Variants in GOLGA3 observed in about 807,000 individuals in gnomAD.
GOLGA3 encodes the protein golgin subfamily A member 3.
Under a neutral mutation model 169.4 loss-of-function variants are expected in GOLGA3, and 75 were observed. The ratio of observed to expected loss-of-function variants is 0.44; its 90% CI spans 0.37 to 0.54. GOLGA3 has a LOEUF of 0.54. GOLGA3 is among the 20% of genes least tolerant of loss of function. The pLI is 0.00. For synonymous variants in GOLGA3, 824 were observed against 822.4 expected, an observed-to-expected ratio of 1.00 and a Z score of -0.03; for missense variants, 1,899 against 1,930.0, an observed-to-expected ratio of 0.98 and a Z score of 0.30.
intron 7 of GOLGA3, among the ~76,000 whole-genome samples, chr12:132,803,846 T>C (rs1949250911): frequency 6.6e-6 from 1 of 152,136 alleles, no homozygotes; most frequent in African/African-American, 2.4e-5. Flanking sequence ...ACCTGAGAGA[T>C]GAGCCCACCA....
rs750000182 is a variant in GOLGA3, at chr12:132,808,135, C to T, written c.934G>A (p.Gly312Arg). The part of the protein sequence containing the change: ...LAGDSVSEVD[G>R]NDSDSSSYSS... ...TACGATGAGCTGTCGCTGTCATTTC[C>T]ATCCACCTCAGACACGCTGTCTCCA... is the stretch of plus-strand genomic sequence containing the variant. The change falls in exon 5 of 24, where the codon GGA becomes AGA. Residue 312 changes from glycine to arginine, a missense_variant. Coordinates refer to ENST00000450791, the MANE Select transcript of GOLGA3 (RefSeq NM_001389683.1). 8.1e-6 allele frequency: 13 copies of T among 1,609,018 alleles called. No homozygotes were observed. In the South Asian group the frequency reaches 1.1e-4, roughly 14 times the overall value.
At chr12:132,810,373 C>T (rs893345408) in intron 4 of GOLGA3, among the ~76,000 whole-genome samples, 27 of 151,896 alleles carry the variant, frequency 1.8e-4, no homozygotes, top group African/African-American at 5.8e-4. Flanking sequence ...ACCCAGGTGC[C>T]GAGGCAAGAG....
At position 132,808,044 on chromosome 12, in the gene GOLGA3, G is replaced by T. The variant is rs768678966; in HGVS notation, c.1025C>A (p.Pro342His). ...AATCTCCTGGCCGTTGACCATATAG[G>T]GGGTGTCCTGCGTGCCCACTGTCTT... ...LSKTVGTQDT[P>H]YMVNGQEIPA... The change falls in exon 5 of 24, where the codon CCC (proline) becomes CAC (histidine). Residue 342 changes from proline to histidine, a missense_variant. Pro to His is a moderately conservative substitution (Grantham distance 77). Transcript: ENST00000450791. 16 of 1,604,546 alleles carry T rather than the reference G, an allele frequency of 1.0e-5. No individual in the cohort carries two copies. The highest frequency in any genetic ancestry group is 1.1e-5 in the Non-Finnish European group (13 of 1,174,446).
chr12:132,802,439 C>A (rs1437560398), intron 7 of GOLGA3, among the ~76,000 whole-genome samples: 1 of 150,628 alleles, frequency 6.6e-6, no homozygotes, highest in African/African-American at 2.5e-5. Flanking sequence ...CCAGCCTGGG[C>A]AACACAGCGA....
At chr12:132,783,963 C>G in intron 16 of GOLGA3, 1 of 1,465,118 alleles carries the variant, frequency 6.8e-7, no homozygotes, top group Non-Finnish European at 9.0e-7. Flanking sequence ...AGAGGCTGTA[C>G]AGTGATCCTC....
chr12:132,815,460 G>C (rs1310055666), intron 3 of GOLGA3, among the ~76,000 whole-genome samples: 1 of 152,184 alleles, frequency 6.6e-6, no homozygotes, highest in Non-Finnish European at 1.5e-5. Flanking sequence ...CAGGAATCTA[G>C]ACTTTTTTAC....
chr12:132,805,045 A>C, intron 6 of GOLGA3, 23 bp from the exon 7 acceptor site: 1 of 1,595,160 alleles, frequency 6.3e-7, no homozygotes, highest in Non-Finnish European at 8.5e-7. Context: ...CAACAACCAC[A>C]ATGATTTTAA....
chr12:132,826,158 G>A, intron 1 of GOLGA3: 2 of 1,593,962 alleles, frequency 1.3e-6, no homozygotes, highest in Middle Eastern at 2.1e-4. Context: ...AAGGCTGCCA[G>A]CACCAAGAAG....
At chr12:132,813,132 CGT>C (rs1949797057) in intron 4 of GOLGA3, among the ~76,000 whole-genome samples, 173 bp downstream of exon 4, 1 of 152,152 alleles carries the variant, frequency 6.6e-6, no homozygotes, top group African/African-American at 2.4e-5. Flanking sequence ...TGAGGTCACC[CGT>C]GTTTGCTTTC....
intron 1 of GOLGA3, among the ~76,000 whole-genome samples, chr12:132,823,036 C>T (rs1950280788): frequency 6.6e-6 from 1 of 152,228 alleles, no homozygotes; most frequent in South Asian, 2.1e-4. Context: ...GGTTGGACAA[C>T]TCAGATCCAG....
chr12:132,811,869 G>A, intron 4 of GOLGA3: 1 of 868,218 alleles, frequency 1.2e-6, no homozygotes, highest in Non-Finnish European at 1.4e-6. Context: ...GACATAGGCT[G>A]GGCGCGATGG....
chr12:132,826,145 A>C, intron 1 of GOLGA3: 1 of 1,593,388 alleles, frequency 6.3e-7, no homozygotes. Flanking sequence ...GCTCCAGGTC[A>C]CCAAGGCTGC....
rs766104172 is a variant in GOLGA3, at chr12:132,773,245, C to T, written c.4357G>A (p.Val1453Met). 4.6e-6 allele frequency: 7 copies of T among 1,537,636 alleles called. No individual in the cohort carries two copies. The highest frequency in any genetic ancestry group is 6.2e-6 in the Non-Finnish European group (7 of 1,136,546). Residue 1453 changes from valine to methionine, a missense_variant, in exon 24 of 24, where the codon GTG (valine) becomes ATG (methionine). Physicochemically the swap from Val to Met is conservative, Grantham distance 21. Transcript: ENST00000450791. ...QRQMEEHALT[V>M]HESLSSWTPL... ...GTCCACGAGGACAGAGACTCGTGCA[C>T]CGTCAGGGCGTGCTCCTCCATCTGG...
chr12:132,782,334 C>A lies in GOLGA3; in HGVS notation c.3427G>T (p.Ala1143Ser), dbSNP rs199772443. 6.0e-5 allele frequency: 97 copies of A among 1,614,122 alleles called. No homozygotes were observed. The South Asian group carries it at 9.7e-4, about 16-fold the overall frequency. ...TGGACTAGGTCTGCCTCCCTCTTGGCCAAAGCTGTTTCTAGGATGCTGTTG... is the reference window on the plus strand; with the variant it reads ...TGGACTAGGTCTGCCTCCCTCTTGGACAAAGCTGTTTCTAGGATGCTGTTG... ...EHNSILETAL[A>S]KREADLVQLN... Residue 1143 changes from alanine to serine, a missense_variant, in exon 17 of 24, where the codon GCC (alanine) becomes TCC (serine). By Grantham distance (99) the Ala-to-Ser change is moderately conservative (BLOSUM62 1). Coordinates refer to ENST00000450791, the MANE Select transcript of GOLGA3 (RefSeq NM_001389683.1).
At chr12:132,779,020 C>T (rs569275790) in intron 18 of GOLGA3, among the ~76,000 whole-genome samples, 30 of 152,298 alleles carry the variant, frequency 2.0e-4, no homozygotes, top group African/African-American at 6.7e-4. Flanking sequence ...GTTAAACGGC[C>T]GGGCGGATGA....
intron 6 of GOLGA3, among the ~76,000 whole-genome samples, chr12:132,806,135 T>C (rs1240101353): frequency 1.3e-5 from 2 of 151,946 alleles, no homozygotes; most frequent in African/African-American, 2.4e-5. Context: ...CCCAAAGCAA[T>C]TGAGGAACTC....
chr12:132,788,954 C>CAGGCCCCGCCCCAGACAA, intron 13 of GOLGA3, 73 bp downstream of exon 13: 2 of 1,079,132 alleles, frequency 1.9e-6, no homozygotes, highest in Non-Finnish European at 2.6e-6. Flanking sequence ...GCCCCAGACA[C>CAGGCCCCGCCCCAGACAA]AGGCCCCACC....
At chr12:132,790,097 C>T (rs2046145002) in intron 12 of GOLGA3, among the ~76,000 whole-genome samples, 1 of 151,886 alleles carries the variant, frequency 6.6e-6, no homozygotes, top group African/African-American at 2.4e-5. Context: ...TTTGGGAGGC[C>T]AAGGTGGGCG....
intron 1 of GOLGA3, among the ~76,000 whole-genome samples, chr12:132,823,076 T>C (rs1000487545): frequency 1.3e-5 from 2 of 152,112 alleles, no homozygotes; most frequent in African/African-American, 4.8e-5. Context: ...GCAGGTGCCA[T>C]GGGATGTGGT....
Sources: gnomAD v4.1 joint callset for allele counts (sites outside exome capture counted in the v4.1 genomes callset) on GRCh38, gnomAD v4.1.1 for gene constraint, MANE v1.5 for transcripts, NCBI Gene and HGNC (gene_info 2026-07-23, HGNC 2026-07-21) for gene names.